The following CTTNBP2 variants were observed in gnomAD, a reference collection of about 807,000 sequenced individuals.
CTTNBP2 encodes the protein cortactin-binding protein 2.
Under a neutral mutation model 156.9 loss-of-function variants are expected in CTTNBP2, and 108 were observed. The observed-to-expected ratio is 0.69, with a 90% CI of 0.59 to 0.81. The LOEUF is 0.81. Ranked by LOEUF, CTTNBP2 falls within the 30% of genes least tolerant of loss-of-function variation. CTTNBP2 has a pLI of 0.00. For synonymous variants in CTTNBP2, 767 were observed against 751.8 expected, an observed-to-expected ratio of 1.02 and a Z score of -0.33; for missense variants, 1,924 against 2,035.4, an observed-to-expected ratio of 0.95 and a Z score of 1.05.
intron 7 of CTTNBP2, among the ~76,000 whole-genome samples, chr7:117,778,001 T>C (rs1042385968): frequency 2.0e-5 from 3 of 152,184 alleles, no homozygotes; most frequent in Non-Finnish European, 4.4e-5. Context: ...CATTTCTACC[T>C]ACCAGTTAAC....
chr7:117,760,838 A>T lies in CTTNBP2; in HGVS notation c.2897-128T>A, dbSNP rs1797170646. 1.7e-5 allele frequency: 11 copies of T among 664,844 alleles called. No individual in the cohort carries two copies. The East Asian group carries it at 3.0e-4, about 18-fold the overall frequency. The allele number at this position is 664,844 out of a possible 1,614,324, so 41.2% of individuals were successfully genotyped here. On this transcript the variant is annotated intron_variant, in intron 9 of 22. Transcript: ENST00000160373. ...AACCAAAGCTATTTTATTTCATTAA[A>T]TAACATTACATTGAACGTTCTTACA... is the stretch of plus-strand genomic sequence containing the variant.
At position 117,797,772 on chromosome 7, in the gene CTTNBP2, A is replaced by G. The variant is rs575681414; in HGVS notation, c.415-4991T>C. Among the ~76,000 whole-genome samples the G allele has an allele frequency of 2.0e-5, 3 of 152,340 alleles. No homozygotes were observed. In the East Asian group the frequency reaches 5.8e-4, roughly 29 times the overall value. ...TTCGATTTGAAGAGCATAGAAAAAA[A>G]GATTGAAAACATTGAACAGCATCTT... On this transcript the variant is annotated intron_variant, in intron 3 of 22. Transcript: ENST00000160373.
At position 117,728,135 on chromosome 7, in the gene CTTNBP2, A is replaced by T; in HGVS notation, c.4009T>A (p.Phe1337Ile). 6.2e-7 allele frequency: 1 copy of T among 1,614,148 alleles called. No homozygotes were observed. Among genetic ancestry groups the T allele is most frequent in the Non-Finnish European group, 8.5e-7 (1 of 1,180,008 alleles). Residue 1337 changes from phenylalanine (F) to isoleucine (I), a missense_variant, in exon 17 of 23, where the codon TTC becomes ATC. Transcript: ENST00000160373. The part of the protein sequence containing the change: ...TPEALLGPKY[F>I]LSCPVVPGHA... ...CCAGGAACTACAGGACAAGACAGGA[A>T]ATATTTTGGTCCAAGAAGTGCTTCA...
intron 2 of CTTNBP2, among the ~76,000 whole-genome samples, chr7:117,855,445 C>T (rs1425788648): frequency 6.6e-6 from 1 of 152,178 alleles, no homozygotes; most frequent in African/African-American, 2.4e-5. Flanking sequence ...AAAATAGTCC[C>T]TCCTTGACTA....
At chr7:117,808,495 G>A (rs185785584) in intron 3 of CTTNBP2, among the ~76,000 whole-genome samples, 3 of 152,284 alleles carry the variant, frequency 2.0e-5, no homozygotes, top group East Asian at 1.9e-4. Context: ...ATTCGTAGTC[G>A]CAGCAGGAGC....
At chr7:117,822,043 G>T (rs1296054922) in intron 2 of CTTNBP2, among the ~76,000 whole-genome samples, 1 of 151,888 alleles carries the variant, frequency 6.6e-6, no homozygotes, top group Non-Finnish European at 1.5e-5. Flanking sequence ...TTTCCTTTTG[G>T]GAAAAGTTTT....
intron 16 of CTTNBP2, among the ~76,000 whole-genome samples, chr7:117,732,111 T>A (rs1233886043): frequency 6.6e-6 from 1 of 152,160 alleles, no homozygotes; most frequent in Non-Finnish European, 1.5e-5. Context: ...AAAACAATTT[T>A]ATTTTCCTAA....
At chr7:117,714,188 T>C (rs781606281) in intron 22 of CTTNBP2, 8 of 152,230 alleles carry the variant, frequency 5.3e-5, no homozygotes, top group Non-Finnish European at 1.0e-4. Flanking sequence ...TGCTGTCAAG[T>C]TACCAGAAAG....
intron 17 of CTTNBP2, among the ~76,000 whole-genome samples, chr7:117,726,511 C>T (rs1007449328): frequency 5.3e-5 from 8 of 152,162 alleles, no homozygotes; most frequent in African/African-American, 1.9e-4. Context: ...AACTCCTTAA[C>T]TTAGCCATTG....
intron 9 of CTTNBP2, among the ~76,000 whole-genome samples, chr7:117,761,520 A>C (rs886165852): frequency 6.6e-6 from 1 of 152,226 alleles, no homozygotes; most frequent in Admixed American, 6.5e-5. Flanking sequence ...TTATTGAATT[A>C]AGTATTCCAT....
chr7:117,734,715 A>ATTTGC (rs749437047), intron 16 of CTTNBP2, among the ~76,000 whole-genome samples, 198 bp downstream of exon 16: 3 of 152,174 alleles, frequency 2.0e-5, no homozygotes, highest in Non-Finnish European at 2.9e-5. Flanking sequence ...GGTAAAACTA[A>ATTTGC]TTTGCTTTTT....
chr7:117,813,108 G>C (rs1248011470), intron 2 of CTTNBP2, among the ~76,000 whole-genome samples: 2 of 152,122 alleles, frequency 1.3e-5, no homozygotes, highest in Admixed American at 6.5e-5. Context: ...ATGTCGTACC[G>C]GACTGGTTCA....
intron 2 of CTTNBP2, among the ~76,000 whole-genome samples, chr7:117,835,958 G>A (rs987051597): frequency 3.3e-5 from 5 of 152,046 alleles, no homozygotes; most frequent in South Asian, 2.1e-4. Context: ...CCTAAGTCAC[G>A]GGATTACTAT....
At chr7:117,728,752 C>T (rs544501368) in intron 16 of CTTNBP2, among the ~76,000 whole-genome samples, 1 of 152,302 alleles carries the variant, frequency 6.6e-6, no homozygotes, top group South Asian at 2.1e-4. Flanking sequence ...GATCTACTCT[C>T]AGCAATCTGC....
At position 117,725,210 on chromosome 7, in the gene CTTNBP2, T is replaced by G; in HGVS notation, c.4103A>C (p.Glu1368Ala). ...CACAGAGGCTCTTGACAATATTGCT[T>G]CTTGAACTCTGGGTGCGATGACGCC... The part of the protein sequence containing the change: ...WNGVIAPRVQ[E>A]AILSRASVKR... Residue 1368 changes from glutamate to alanine, a missense_variant, in exon 18 of 23, where the codon GAA (glutamate) becomes GCA (alanine). By Grantham distance (107) the Glu-to-Ala change is moderately radical. Coordinates refer to ENST00000160373, the MANE Select transcript of CTTNBP2 (RefSeq NM_033427.3). The G allele has an allele frequency of 6.2e-7, 1 of 1,614,100 alleles. No homozygotes were observed. The highest frequency in any genetic ancestry group is 8.5e-7 in the Non-Finnish European group (1 of 1,180,014).
chr7:117,736,443 A>C (rs1412006714), intron 14 of CTTNBP2, among the ~76,000 whole-genome samples: 1 of 151,928 alleles, frequency 6.6e-6, no homozygotes, highest in Non-Finnish European at 1.5e-5. Flanking sequence ...GTGTCTAGAA[A>C]AAAAAAAAAT....
chr7:117,853,934 A>T (rs559353986), intron 2 of CTTNBP2, among the ~76,000 whole-genome samples: 1 of 152,186 alleles, frequency 6.6e-6, no homozygotes. Flanking sequence ...AATGTTTTGC[A>T]TGGTATTCTA....
intron 9 of CTTNBP2, 95 bp downstream of exon 9, chr7:117,766,964 A>C: frequency 1.3e-6 from 1 of 755,178 alleles, no homozygotes; most frequent in Admixed American, 1.9e-5. Context: ...AAGGTTAAAA[A>C]GGACATGCAA....
At chr7:117,803,590 A>G (rs1202688886) in intron 3 of CTTNBP2, among the ~76,000 whole-genome samples, 1 of 152,168 alleles carries the variant, frequency 6.6e-6, no homozygotes, top group African/African-American at 2.4e-5. Flanking sequence ...AAAGAAAAGA[A>G]AGACCAAGGA....
Sources: allele counts gnomAD v4.1 joint callset (sites outside exome capture counted in the v4.1 genomes callset), GRCh38; gene constraint gnomAD v4.1.1; transcripts MANE v1.5; gene names NCBI Gene and HGNC (gene_info 2026-07-23, HGNC 2026-07-21).